The following AK3 variants were observed in gnomAD, a reference collection of about 807,000 sequenced individuals.
AK3 encodes adenylate kinase 3.
Under a neutral mutation model 23.7 loss-of-function variants are expected in AK3, and 27 were observed. That is an observed-to-expected ratio of 1.14 (90% CI 0.84 to 1.57). The LOEUF is 1.57. AK3 is among the 40% of genes most tolerant of loss of function. The pLI is 0.00. For missense variants in AK3, 406 were observed against 285.6 expected (o/e 1.42, Z -3.04); for synonymous variants, 159 against 116.0 (o/e 1.37, Z -2.38).
At chr9:4,726,145 T>G (rs1023904868) in intron 1 of AK3, among the ~76,000 whole-genome samples, 5 of 152,246 alleles carry the variant, frequency 3.3e-5, no homozygotes, top group African/African-American at 9.6e-5. Context: ...TCAGAGAGTC[T>G]TAATCTTTTT....
intron 1 of AK3, among the ~76,000 whole-genome samples, chr9:4,725,804 C>G (rs1842010899): frequency 6.6e-6 from 1 of 152,106 alleles, no homozygotes; most frequent in Non-Finnish European, 1.5e-5. Context: ...GGCCAATAAG[C>G]CCATGAACAC....
intron 1 of AK3, among the ~76,000 whole-genome samples, chr9:4,739,560 A>G (rs1842375123): frequency 6.6e-6 from 1 of 151,738 alleles, no homozygotes; most frequent in Non-Finnish European, 1.5e-5. Context: ...TTCATGTGAA[A>G]TATATCCCAG....
chr9:4,729,455 G>C (rs987771277), intron 1 of AK3, among the ~76,000 whole-genome samples: 1 of 152,108 alleles, frequency 6.6e-6, no homozygotes, highest in Non-Finnish European at 1.5e-5. Context: ...CTGAGTGACA[G>C]AGCAAGACCC....
rs117052909 is a variant in AK3, at chr9:4,716,712, C to T, written c.563+1707G>A. Among the ~76,000 whole-genome samples the T allele has an allele frequency of 5.3e-3, 801 of 152,212 alleles. 11 individuals carry two copies. Among genetic ancestry groups the T allele is most frequent in the Middle Eastern group, 0.031 (9 of 294 alleles). On this transcript the variant is annotated intron_variant, in intron 4 of 4. Coordinates refer to ENST00000381809, the MANE Select transcript of AK3 (RefSeq NM_016282.4). The stretch of plus-strand genomic sequence containing the variant: ...TTGGGAGGCCGAGGCAGGAGGGTTG[C>T]CTGAAGCCAGGAGTTTGAGTAGCCC...
chr9:4,728,032 C>G (rs183682910), intron 1 of AK3, among the ~76,000 whole-genome samples: 89 of 152,112 alleles, frequency 5.9e-4, no homozygotes, highest in African/African-American at 2.0e-3. Flanking sequence ...TCATGGCACC[C>G]CAAAACAATT....
rs1408378248 is a variant in AK3, at chr9:4,712,754, T to C, written c.*222A>G. The C allele has an allele frequency of 5.4e-6, 2 of 367,372 alleles. No individual in the cohort carries two copies. Among genetic ancestry groups the C allele is most frequent in the African/African-American group, 4.2e-5 (2 of 48,088 alleles). The allele number at this position is 367,372 out of a possible 1,614,324, so 22.8% of individuals were successfully genotyped here. ...AAGGTTCAGACATCGCTGATGTTTT[T>C]GAGGATAACTGCATACAACACACTA... On this transcript the variant is annotated 3_prime_UTR_variant, in exon 5 of 5. Coordinates refer to ENST00000381809, the MANE Select transcript of AK3 (RefSeq NM_016282.4).
At chr9:4,715,216 C>CAAAAA (rs1237615381) in intron 4 of AK3, among the ~76,000 whole-genome samples, 16 of 56,280 alleles carry the variant, frequency 2.8e-4, no homozygotes, top group East Asian at 1.2e-3. Context: ...GACTCCGTCT[C>CAAAAA]AAAAAAAAAA....
chr9:4,735,308 T>TATAAATATATATACATAA (rs1563798311), intron 1 of AK3, among the ~76,000 whole-genome samples: 787 of 58,828 alleles, frequency 0.013, 146 homozygotes, highest in Admixed American at 0.022. Context: ...TATATACATA[T>TATAAATATATATACATAA]ATAAATATAT....
intron 1 of AK3, among the ~76,000 whole-genome samples, chr9:4,732,902 G>C (rs1842187878): frequency 1.3e-5 from 2 of 149,588 alleles, no homozygotes; most frequent in Admixed American, 1.3e-4. Flanking sequence ...AGCCAATGCA[G>C]TGGCATGATT....
chr9:4,726,500 T>C (rs1307851995), intron 1 of AK3, among the ~76,000 whole-genome samples: 1 of 152,188 alleles, frequency 6.6e-6, no homozygotes, highest in African/African-American at 2.4e-5. Context: ...CCACGTTCTT[T>C]GCTCATTCAT....
chr9:4,723,245 G>A (rs79280480), intron 1 of AK3, among the ~76,000 whole-genome samples: 9,007 of 152,162 alleles, frequency 0.059, 844 homozygotes, highest in African/African-American at 0.2. Context: ...AAATATATAT[G>A]TACTTTTCTG....
At position 4,714,015 on chromosome 9, in the gene AK3, C is replaced by CACATAT. The variant is rs1424132832; in HGVS notation, c.564-925_564-920dup. The stretch of plus-strand genomic sequence containing the variant: ...ATATACGCCTACACATATACACCTA[C>CACATAT]ACATATACAGCTACACATATACATC... On this transcript the variant is annotated intron_variant, in intron 4 of 4. Coordinates refer to ENST00000381809, the MANE Select transcript of AK3 (RefSeq NM_016282.4). Among the ~76,000 whole-genome samples the CACATAT allele has an allele frequency of 7.2e-4, 107 of 148,616 alleles. 10 individuals are homozygous for CACATAT. The highest frequency in any genetic ancestry group is 2.4e-3 in the African/African-American group (97 of 40,124).
Position 4,718,416 on chromosome 9 carries a change from C to T in AK3, c.563+3G>A, listed in dbSNP as rs776594146. On this transcript the variant is annotated splice_donor_region_variant and intron_variant, in intron 4 of 4. Transcript: ENST00000381809. ...AGAGAAGTTCTGAAAAGCAAAAACT[C>T]ACTGGTAATATTCCAGGACTGGCTT... 1.2e-6 allele frequency: 2 copies of T among 1,609,100 alleles called. No individual in the cohort carries two copies. The highest frequency in any genetic ancestry group is 1.3e-5 in the African/African-American group (1 of 74,806).
chr9:4,741,481 C>T (rs1379489768), upstream of AK3, among the ~76,000 whole-genome samples: 1 of 151,740 alleles, frequency 6.6e-6, no homozygotes, highest in Non-Finnish European at 1.5e-5. Flanking sequence ...CACGCGCCCT[C>T]CACTCGGCTC....
chr9:4,734,693 T>G (rs1305700911), intron 1 of AK3, among the ~76,000 whole-genome samples: 1 of 152,262 alleles, frequency 6.6e-6, no homozygotes, highest in Non-Finnish European at 1.5e-5. Context: ...GTTCTTTAAG[T>G]TATTTAAACA....
At chr9:4,713,878 G>A (rs1203394189) in intron 4 of AK3, among the ~76,000 whole-genome samples, 1 of 4,490 alleles carries the variant, frequency 2.2e-4, no homozygotes, top group Non-Finnish European at 4.8e-4. Context: ...GCTAATACCC[G>A]TCCTCTAGCC....
At position 4,710,996 on chromosome 9, in the gene AK3, G is replaced by C. The variant is rs1260901368; in HGVS notation, c.*1980C>G. The C allele has an allele frequency of 6.6e-6, 1 of 152,182 alleles. No individual in the cohort carries two copies. Among genetic ancestry groups the C allele is most frequent in the African/African-American group, 2.4e-5 (1 of 41,436 alleles). 9.4% of individuals were successfully genotyped at this position (152,182 alleles called of 1,614,324 possible). A position where few individuals can be genotyped will look rare whatever the true frequency, so the allele number is the denominator to read the frequency against. ...GCAAAACTTTGGGCTAAGTGTTTGC[G>C]GGTGGGGAGGGAATGGTCACAGGAA... On this transcript the variant is annotated 3_prime_UTR_variant, in exon 5 of 5. Coordinates refer to ENST00000381809, the MANE Select transcript of AK3 (RefSeq NM_016282.4).
At chr9:4,735,588 C>T (rs1208730916) in intron 1 of AK3, among the ~76,000 whole-genome samples, 1 of 146,902 alleles carries the variant, frequency 6.8e-6, no homozygotes, top group Non-Finnish European at 1.5e-5. Flanking sequence ...AGCCATTCTC[C>T]TGCCTCAGCT....
At chr9:4,723,190 T>C (rs1841945452) in intron 1 of AK3, among the ~76,000 whole-genome samples, 2 of 152,244 alleles carry the variant, frequency 1.3e-5, no homozygotes, top group Non-Finnish European at 2.9e-5. Context: ...TAGACCAATA[T>C]GTTAACAGTA....
Sources: allele counts gnomAD v4.1 joint callset (sites outside exome capture counted in the v4.1 genomes callset), GRCh38; gene constraint gnomAD v4.1.1; transcripts MANE v1.5; gene names NCBI Gene and HGNC (gene_info 2026-07-23, HGNC 2026-07-21).